The following RUNX3 variants were observed in gnomAD, a reference collection of about 807,000 sequenced individuals.
The protein encoded by RUNX3 is runt-related transcription factor 3.
Under a neutral mutation model 27.7 loss-of-function variants are expected in RUNX3, and 10 were observed. That is an observed-to-expected ratio of 0.36 (90% CI 0.22 to 0.61). The LOEUF is 0.61. Among genes scored for constraint, RUNX3 ranks in the 20% least tolerant of loss-of-function variants. The pLI, the probability that RUNX3 is intolerant of heterozygous loss-of-function variation, is 0.72. For synonymous variants in RUNX3, 270 were observed against 269.2 expected (o/e 1.00, Z -0.03); for missense variants, 469 against 629.5 (o/e 0.75, Z 2.73).
rs1641130528 is a variant in RUNX3, at chr1:24,927,898, C to G, written c.283-168G>C. Among the ~76,000 whole-genome samples, 1 of 152,176 alleles carries G rather than the reference C, an allele frequency of 6.6e-6. No individual in the cohort carries two copies. The highest frequency in any genetic ancestry group is 1.5e-5 in the Non-Finnish European group (1 of 68,030). On this transcript the variant is annotated intron_variant, in intron 1 of 4. Coordinates refer to ENST00000308873, the MANE Select transcript of RUNX3 (RefSeq NM_004350.3). This position sits in a 1 kb window ranked among gnomAD's most constrained non-coding sequence, Gnocchi z 5.0. ...GGCTTAAAAACAATAAAGACCTTCCCCCAAATATCACGAAAACAAGAAGAT... is the reference window on the plus strand; with the variant it reads ...GGCTTAAAAACAATAAAGACCTTCCGCCAAATATCACGAAAACAAGAAGAT...
intron 2 of RUNX3, among the ~76,000 whole-genome samples, chr1:24,944,823 G>C (rs1174228163): frequency 6.6e-6 from 1 of 152,178 alleles, no homozygotes; most frequent in Non-Finnish European, 1.5e-5. Flanking sequence ...CTCCAGCAAG[G>C]AACACAGCCC....
chr1:24,963,907 G>A (rs182047293), intron 2 of RUNX3, among the ~76,000 whole-genome samples: 55 of 152,270 alleles, frequency 3.6e-4, no homozygotes, highest in African/African-American at 1.0e-3. Flanking sequence ...CTCCTCTTCC[G>A]TGGCCAAATC....
chr1:24,953,521 TTCCTCAG>T (rs1256483057), intron 2 of RUNX3, among the ~76,000 whole-genome samples: 1 of 151,972 alleles, frequency 6.6e-6, no homozygotes, highest in African/African-American at 2.4e-5. Flanking sequence ...AAAAATTCAG[TTCCTCAG>T]TTACAGTAGC....
chr1:24,903,844 G>T (rs1021169022), intron 4 of RUNX3, among the ~76,000 whole-genome samples: 4 of 152,184 alleles, frequency 2.6e-5, no homozygotes, highest in Admixed American at 1.3e-4. Context: ...GTGTCCTTGG[G>T]CAAGTCACTT....
In RUNX3 at chr1:24,902,801, T is replaced by G; in HGVS notation, c.704-135A>C. On this transcript the variant is annotated intron_variant, in intron 4 of 4. Transcript: ENST00000308873. This position sits in a 1 kb window ranked among gnomAD's most constrained non-coding sequence, Gnocchi z 9.2. ...GTTCTAGACCTGGCTCTCCTCTTCC[T>G]GCCCTAGGCTGCCCGGGGCCTCCCC... is the stretch of plus-strand genomic sequence containing the variant. 3.0e-6 allele frequency: 2 copies of G among 671,262 alleles called. No individual in the cohort carries two copies. The highest frequency in any genetic ancestry group is 2.2e-6 in the Non-Finnish European group (1 of 445,280). 41.6% of individuals were successfully genotyped at this position (671,262 alleles called of 1,614,324 possible).
intron 2 of RUNX3, among the ~76,000 whole-genome samples, chr1:24,938,785 C>T (rs1405149003): frequency 6.6e-6 from 1 of 152,058 alleles, no homozygotes; most frequent in Non-Finnish European, 1.5e-5. Flanking sequence ...GTTCTGTGTC[C>T]TCCGGAGGAC....
chr1:24,931,853 C>T (rs1641237258), upstream of RUNX3, among the ~76,000 whole-genome samples: 1 of 152,220 alleles, frequency 6.6e-6, no homozygotes, highest in South Asian at 2.1e-4. Context: ...GCAAAGGTCC[C>T]TTACTGAACC....
At chr1:24,924,400 A>T (rs982646822) in intron 2 of RUNX3, among the ~76,000 whole-genome samples, 1 of 148,540 alleles carries the variant, frequency 6.7e-6, no homozygotes, top group African/African-American at 2.4e-5. Context: ...TGAGTCATGA[A>T]CCTAACTCAG....
chr1:24,926,793 T>C (rs923478859), intron 2 of RUNX3, among the ~76,000 whole-genome samples: 3 of 152,156 alleles, frequency 2.0e-5, no homozygotes, highest in African/African-American at 4.8e-5. Flanking sequence ...CCACTTCTCG[T>C]AGGCAGGCTG....
At chr1:24,936,651 C>G (rs953261329) in intron 2 of RUNX3, among the ~76,000 whole-genome samples, 2 of 152,198 alleles carry the variant, frequency 1.3e-5, no homozygotes, top group Non-Finnish European at 2.9e-5. Flanking sequence ...AGCTACCTCC[C>G]GCTGACTCCG....
At chr1:24,931,541 C>T (rs1246161304), upstream of RUNX3, among the ~76,000 whole-genome samples, 3 of 152,220 alleles carry the variant, frequency 2.0e-5, no homozygotes, top group East Asian at 1.9e-4. Flanking sequence ...GCGTGCTGAG[C>T]CTCCCCGCCG....
rs1201438399 is a variant in RUNX3, at chr1:24,922,112, G to A, written c.440-2768C>T. Among the ~76,000 whole-genome samples the A allele has an allele frequency of 3.3e-5, 5 of 151,776 alleles. No individual in the cohort carries two copies. The East Asian group carries it at 5.8e-4, about 18-fold the overall frequency. On this transcript the variant is annotated intron_variant, in intron 2 of 4. Transcript: ENST00000308873. ...ACAACAGGTGAGCGCCACCATGCCC[G>A]GCTATTTCTTTTTTTCCCTTCCTTC...
chr1:24,946,231 TA>T (rs1272773380), intron 2 of RUNX3, among the ~76,000 whole-genome samples: 6 of 152,108 alleles, frequency 3.9e-5, no homozygotes, highest in Non-Finnish European at 7.4e-5. Context: ...ACACATTCAT[TA>T]AAGAAAAATT....
intron 1 of RUNX3, chr1:24,964,827 T>A: frequency 1.1e-6 from 1 of 921,016 alleles, no homozygotes; most frequent in Non-Finnish European, 1.5e-6. Flanking sequence ...AGTAAGTTTC[T>A]GTTTGTACCC....
At chr1:24,925,360 G>C (rs564296506) in intron 2 of RUNX3, among the ~76,000 whole-genome samples, 1 of 149,840 alleles carries the variant, frequency 6.7e-6, no homozygotes, top group Admixed American at 6.7e-5. Context: ...ATCAGTGGCT[G>C]TCACCGCTCA....
chr1:24,929,216 C>T (rs1641161090), intron 1 of RUNX3: 1 of 514,168 alleles, frequency 1.9e-6, no homozygotes, highest in Non-Finnish European at 3.8e-6. Context: ...GTTCGCACCC[C>T]ACCCGCGGTG....
Position 24,962,456 on chromosome 1 carries a change from G to T in RUNX3, c.58+2058C>A, listed in dbSNP as rs1354318450. On this transcript the variant is annotated intron_variant, in intron 2 of 6. Coordinates refer to the RUNX3 transcript ENST00000338888. This position sits in a 1 kb window ranked among gnomAD's most constrained non-coding sequence, Gnocchi z 4.5. Reference sequence around the variant, plus strand: ...GGCACCCTGCAAATGGGACCCTGGGGCTGCGTCTCTTTGAGGAAGGAATTG... The same window carrying T: ...GGCACCCTGCAAATGGGACCCTGGGTCTGCGTCTCTTTGAGGAAGGAATTG... Among the ~76,000 whole-genome samples the T allele has an allele frequency of 2.0e-5, 3 of 152,228 alleles. No homozygotes were observed. Among genetic ancestry groups the T allele is most frequent in the Non-Finnish European group, 4.4e-5 (3 of 68,032 alleles).
intron 1 of RUNX3, among the ~76,000 whole-genome samples, chr1:24,928,519 G>C (rs892195293): frequency 6.6e-6 from 1 of 152,168 alleles, no homozygotes; most frequent in Non-Finnish European, 1.5e-5. Flanking sequence ...CCGCGTGCAG[G>C]GACTGGGGAT....
intron 2 of RUNX3, chr1:24,964,431 G>C (rs976553383): frequency 8.8e-7 from 1 of 1,142,054 alleles, no homozygotes; most frequent in Non-Finnish European, 1.3e-6. Context: ...GCGCTTGAGG[G>C]CAGCCAGGGC....
Sources: gnomAD v4.1 joint callset for allele counts (sites outside exome capture counted in the v4.1 genomes callset) on GRCh38, gnomAD v4.1.1 for gene constraint, Gnocchi (gnomAD v3.1) non-coding constraint, MANE v1.5 for transcripts, NCBI Gene and HGNC (gene_info 2026-07-23, HGNC 2026-07-21) for gene names.